The following KCNT2 variants were observed in gnomAD, a reference collection of about 807,000 sequenced individuals.
KCNT2 encodes the protein potassium channel subfamily T member 2.
A neutral mutation model predicts 153.8 loss-of-function variants in KCNT2; 67 were observed. The observed-to-expected ratio is 0.44, with a 90% CI of 0.36 to 0.53. The LOEUF (loss-of-function observed/expected upper bound fraction) is 0.53. KCNT2 is among the 20% of genes least tolerant of loss of function. KCNT2 has a pLI of 0.00. For missense variants in KCNT2, 975 were observed against 1,354.8 expected (o/e 0.72, Z 4.40); for synonymous variants, 500 against 458.8 (o/e 1.09, Z -1.15).
chr1:196,257,897 C>T, intron 26 of KCNT2: 2 of 974,242 alleles, frequency 2.1e-6, no homozygotes, highest in Non-Finnish European at 2.4e-6. Context: ...AGGTTCTTTA[C>T]TTCTAACATG....
At chr1:196,370,138 C>T (rs1668394425) in intron 14 of KCNT2, among the ~76,000 whole-genome samples, 1 of 152,058 alleles carries the variant, frequency 6.6e-6, no homozygotes, top group Non-Finnish European at 1.5e-5. Context: ...TAAACTAGTT[C>T]AACCATTGTG....
chr1:196,280,638 CTTAGA>C (rs1659006650), intron 25 of KCNT2, among the ~76,000 whole-genome samples: 1 of 152,132 alleles, frequency 6.6e-6, no homozygotes, highest in Non-Finnish European at 1.5e-5. Context: ...CATCCATAAA[CTTAGA>C]ACAGCCCCTT....
At chr1:196,331,359 A>G (rs1379045376) in intron 17 of KCNT2, 98 bp from the exon 18 acceptor site, 18 of 738,482 alleles carry the variant, frequency 2.4e-5, no homozygotes, top group Non-Finnish European at 4.9e-6. Flanking sequence ...ATTATAATCA[A>G]TACCTCTGTG....
intron 26 of KCNT2, among the ~76,000 whole-genome samples, chr1:196,254,165 G>T (rs1212585544): frequency 6.6e-6 from 1 of 151,116 alleles, no homozygotes; most frequent in African/African-American, 2.4e-5. Flanking sequence ...TATCTATTAA[G>T]AAAAAAGATT....
At chr1:196,286,645 A>C (rs968954410) in intron 22 of KCNT2, among the ~76,000 whole-genome samples, 1 of 146,242 alleles carries the variant, frequency 6.8e-6, no homozygotes, top group African/African-American at 2.6e-5. Flanking sequence ...ACATACACAC[A>C]CACACACACA....
intron 15 of KCNT2, among the ~76,000 whole-genome samples, 163 bp downstream of exon 15, chr1:196,341,916 C>CA (rs1166787600): frequency 1.3e-5 from 2 of 152,098 alleles, no homozygotes; most frequent in Non-Finnish European, 2.9e-5. Context: ...AGAGACCATA[C>CA]AGACACCAGG....
intron 26 of KCNT2, among the ~76,000 whole-genome samples, chr1:196,240,279 C>A (rs1393427695): frequency 6.6e-6 from 1 of 151,964 alleles, no homozygotes. Context: ...TATTTAATTT[C>A]TCTTAATCTC....
chr1:196,297,760 C>G (rs1002563481), intron 22 of KCNT2, among the ~76,000 whole-genome samples: 4 of 152,146 alleles, frequency 2.6e-5, no homozygotes, highest in African/African-American at 9.7e-5. Context: ...AACTCCCACT[C>G]AGCTGTTCCA....
intron 25 of KCNT2, among the ~76,000 whole-genome samples, chr1:196,270,262 C>T (rs1558085586): frequency 6.6e-6 from 1 of 151,940 alleles, no homozygotes; most frequent in Non-Finnish European, 1.5e-5. Flanking sequence ...AGGTCTAAAT[C>T]AGCCTAGCCC....
chr1:196,562,368 A>C (rs1659527472), intron 1 of KCNT2, among the ~76,000 whole-genome samples: 1 of 151,928 alleles, frequency 6.6e-6, no homozygotes, highest in Non-Finnish European at 1.5e-5. Flanking sequence ...AAAAGGAAGG[A>C]GGGTATGTTG....
intron 22 of KCNT2, among the ~76,000 whole-genome samples, chr1:196,296,443 T>G (rs1452314233): frequency 1.3e-5 from 2 of 151,994 alleles, no homozygotes; most frequent in African/African-American, 4.8e-5. Context: ...AATTTTAGAT[T>G]CCTAATATAT....
chr1:196,345,168 G>C (rs1237574620), intron 14 of KCNT2, among the ~76,000 whole-genome samples: 1 of 152,138 alleles, frequency 6.6e-6, no homozygotes, highest in Non-Finnish European at 1.5e-5. Flanking sequence ...CCACTAGTGG[G>C]AGAGGGCCAA....
At chr1:196,319,694 T>A in intron 19 of KCNT2, 139 bp from the exon 20 acceptor site, 1 of 494,698 alleles carries the variant, frequency 2.0e-6, no homozygotes, top group Non-Finnish European at 3.7e-6. Context: ...TGCTTTTTTT[T>A]CTTAACATTA....
intron 18 of KCNT2, among the ~76,000 whole-genome samples, chr1:196,329,123 C>T (rs536808871): frequency 6.6e-6 from 1 of 152,180 alleles, no homozygotes; most frequent in South Asian, 2.1e-4. Flanking sequence ...TTCATGAACA[C>T]TGACCAGGAC....
At chr1:196,439,907 G>A (rs370075603) in intron 8 of KCNT2, among the ~76,000 whole-genome samples, 1 of 151,820 alleles carries the variant, frequency 6.6e-6, no homozygotes, top group Admixed American at 6.6e-5. Context: ...GGGTCAAGGG[G>A]AGGGAGCGCA....
chr1:196,378,352 G>C (rs1384928535), intron 13 of KCNT2, among the ~76,000 whole-genome samples: 1 of 152,090 alleles, frequency 6.6e-6, no homozygotes, highest in Non-Finnish European at 1.5e-5. Flanking sequence ...TGTGCATATT[G>C]CTAGATTATT....
At chr1:196,309,536 C>A (rs1029151607) in intron 21 of KCNT2, among the ~76,000 whole-genome samples, 2 of 151,932 alleles carry the variant, frequency 1.3e-5, no homozygotes, top group African/African-American at 2.4e-5. Context: ...AATGAACCTA[C>A]AACATTTATG....
chr1:196,337,166 A>C (rs764455375), intron 16 of KCNT2, among the ~76,000 whole-genome samples: 5 of 149,206 alleles, frequency 3.4e-5, no homozygotes, highest in South Asian at 2.2e-4. Flanking sequence ...CACCCCCGCA[A>C]AACCTGCATT....
chr1:196,284,959 A>G (rs1571907029), intron 23 of KCNT2, among the ~76,000 whole-genome samples: 1 of 152,236 alleles, frequency 6.6e-6, no homozygotes, highest in East Asian at 1.9e-4. Context: ...AATAATTTAA[A>G]ACTCTACGAA....
Sources: allele counts gnomAD v4.1 joint callset (sites outside exome capture counted in the v4.1 genomes callset), GRCh38; gene constraint gnomAD v4.1.1; transcripts MANE v1.5; gene names NCBI Gene and HGNC (gene_info 2026-07-23, HGNC 2026-07-21).